AKAP10: variants seen among roughly 807,000 people sequenced by gnomAD.
AKAP10 encodes the protein A-kinase anchor protein 10, mitochondrial.
A neutral mutation model predicts 80.8 loss-of-function variants in AKAP10; 24 were observed. That is an observed-to-expected ratio of 0.30 (90% CI 0.22 to 0.42). The LOEUF (loss-of-function observed/expected upper bound fraction) is 0.42. AKAP10 is among the 10% of genes least tolerant of loss of function. The probability of loss-of-function intolerance (pLI) is 1.00; values close to 1 mark genes in which losing one functional copy is unlikely to be tolerated. For missense variants in AKAP10, 661 were observed against 794.9 expected (o/e 0.83, Z 2.03); for synonymous variants, 291 against 277.7 (o/e 1.05, Z -0.48).
chr17:19,940,602 T>C (rs1387452130), intron 7 of AKAP10, among the ~76,000 whole-genome samples: 2 of 152,218 alleles, frequency 1.3e-5, no homozygotes, highest in Non-Finnish European at 2.9e-5. Context: ...AGTTTCAAAT[T>C]CTGTGGTTTT....
intron 12 of AKAP10, among the ~76,000 whole-genome samples, chr17:19,912,588 C>A (rs1408090493): frequency 6.6e-6 from 1 of 151,988 alleles, no homozygotes; most frequent in Non-Finnish European, 1.5e-5. Context: ...CGTGGTGACA[C>A]GTGCCTGTAA....
At chr17:19,961,002 G>T (rs2043341895) in intron 3 of AKAP10, among the ~76,000 whole-genome samples, 1 of 151,318 alleles carries the variant, frequency 6.6e-6, no homozygotes, top group Admixed American at 6.6e-5. Flanking sequence ...ACTCCAGCCT[G>T]TGAGACTCCG....
intron 1 of AKAP10, among the ~76,000 whole-genome samples, chr17:19,976,135 A>G (rs2043562855): frequency 6.6e-6 from 1 of 152,188 alleles, no homozygotes; most frequent in Non-Finnish European, 1.5e-5. Context: ...CCCCTGTTAC[A>G]GTTAGCAGCA....
chr17:19,933,111 C>G (rs2152413255), intron 9 of AKAP10, among the ~76,000 whole-genome samples: 1 of 152,194 alleles, frequency 6.6e-6, no homozygotes, highest in South Asian at 2.1e-4. Flanking sequence ...CTCTGTCTCC[C>G]AGGTTCAAGT....
chr17:19,923,865 G>A (rs546409723), intron 11 of AKAP10, among the ~76,000 whole-genome samples: 1 of 152,262 alleles, frequency 6.6e-6, no homozygotes, highest in South Asian at 2.1e-4. Context: ...TAAATATGTT[G>A]AAATCCCTTT....
chr17:19,920,834 C>T (rs1404447454), intron 11 of AKAP10, among the ~76,000 whole-genome samples: 2 of 98,704 alleles, frequency 2.0e-5, no homozygotes, highest in Non-Finnish European at 3.6e-5. Context: ...CCAGCCTGGG[C>T]AACAGAGCAA....
chr17:19,906,877 G>T (rs1358922521), intron 14 of AKAP10, among the ~76,000 whole-genome samples: 2 of 152,092 alleles, frequency 1.3e-5, no homozygotes, highest in African/African-American at 4.8e-5. Flanking sequence ...GATTAGAAGG[G>T]GTTTTTCTTT....
At chr17:19,909,051 T>A (rs1051701555) in intron 14 of AKAP10, 130 bp downstream of exon 14, 59 of 682,712 alleles carry the variant, frequency 8.6e-5, no homozygotes, top group Non-Finnish European at 1.3e-4. Context: ...ATTTTCTAGT[T>A]GCTTATGATA....
chr17:19,940,844 C>G, intron 7 of AKAP10, 43 bp downstream of exon 7: 1 of 1,543,100 alleles, frequency 6.5e-7, no homozygotes, highest in South Asian at 1.3e-5. Flanking sequence ...TAGTTAGAGG[C>G]TGGAATGCTC....
intron 5 of AKAP10, among the ~76,000 whole-genome samples, chr17:19,945,829 TACTA>T (rs2043097643): frequency 6.6e-6 from 1 of 152,086 alleles, no homozygotes; most frequent in Non-Finnish European, 1.5e-5. Flanking sequence ...AAATCACAAA[TACTA>T]ACTTTTTTGA....
rs996288464 is a variant in AKAP10 at position 19,905,145 on chromosome 17, C to G, written c.*1082G>C. 2 of 152,022 alleles carry G rather than the reference C, an allele frequency of 1.3e-5. No individual in the cohort carries two copies. The highest frequency in any genetic ancestry group is 1.3e-4 in the Admixed American group (2 of 15,250). The allele number at this position is 152,022 out of a possible 1,614,324, so 9.4% of individuals were successfully genotyped here. A position where few individuals can be genotyped will look rare whatever the true frequency, so the allele number is the denominator to read the frequency against. ...CCACGTGGTCAATGGAGTGTGCTCA[C>G]CAACTGGGCAGTCCTGCTGATGGCT... On this transcript the variant is annotated 3_prime_UTR_variant, in exon 15 of 15. Transcript: ENST00000225737.
intron 1 of AKAP10, among the ~76,000 whole-genome samples, chr17:19,973,858 A>G (rs2043530311): frequency 6.6e-6 from 1 of 152,230 alleles, no homozygotes; most frequent in African/African-American, 2.4e-5. Flanking sequence ...ATAGAGTAGG[A>G]GGAAAGAAGA....
At chr17:19,924,613 A>C (rs1434657970) in intron 10 of AKAP10, 96 bp from the exon 11 acceptor site, 1 of 678,792 alleles carries the variant, frequency 1.5e-6, no homozygotes, top group Non-Finnish European at 2.3e-6. Context: ...AGTGTTTGAA[A>C]TAGAAGTAAC....
chr17:19,975,354 T>C (rs536099689), intron 1 of AKAP10, among the ~76,000 whole-genome samples: 32 of 152,320 alleles, frequency 2.1e-4, no homozygotes, highest in Middle Eastern at 3.4e-3. Flanking sequence ...CCATGGCCCG[T>C]AGAGCTCTCA....
chr17:19,944,668 A>G (rs1247008077), intron 5 of AKAP10, among the ~76,000 whole-genome samples: 4 of 152,054 alleles, frequency 2.6e-5, no homozygotes, highest in Non-Finnish European at 5.9e-5. Flanking sequence ...AAACAAACAA[A>G]CAAACAAAAA....
Position 19,936,269 on chromosome 17 carries a change from T to C in AKAP10, c.1467+17A>G. On this transcript the variant is annotated intron_variant, in intron 9 of 14. Transcript: ENST00000225737. ...TAAAACTTCTTGTAGTTTGATACGT[T>C]TGAAGTTCTGGGTTACCTTCTCCAT... 6.2e-7 allele frequency: 1 copy of C among 1,601,768 alleles called. No individual in the cohort carries two copies. The highest frequency in any genetic ancestry group is 8.5e-7 in the Non-Finnish European group (1 of 1,173,732).
At chr17:19,927,942 G>A (rs545227344) in intron 10 of AKAP10, among the ~76,000 whole-genome samples, 2 of 151,628 alleles carry the variant, frequency 1.3e-5, no homozygotes, top group South Asian at 4.2e-4. Context: ...AATCTAGGCT[G>A]GGCCCAATGG....
chr17:19,913,343 G>A (rs2042711852), intron 12 of AKAP10, among the ~76,000 whole-genome samples: 1 of 151,910 alleles, frequency 6.6e-6, no homozygotes, highest in Non-Finnish European at 1.5e-5. Flanking sequence ...TAGTAGAGAT[G>A]GGGTTTCACT....
rs72479773 is a variant in AKAP10 at position 19,922,770 on chromosome 17, C to T, written c.1751+1638G>A. 2.6e-3 allele frequency among the ~76,000 whole-genome samples: 400 copies of T among 152,048 alleles called. 14 individuals are homozygous for T. In the East Asian group the frequency reaches 0.073, roughly 28 times the overall value. ...AAAAAATTAGCCGGGCGTGGTGGCA[C>T]GTGCCTGTAGTCCCAGCTACTTGGG... On this transcript the variant is annotated intron_variant, in intron 11 of 14. Transcript: ENST00000225737.
Sources: gnomAD v4.1 joint callset for allele counts (sites outside exome capture counted in the v4.1 genomes callset) on GRCh38, gnomAD v4.1.1 for gene constraint, MANE v1.5 for transcripts, NCBI Gene and HGNC (gene_info 2026-07-23, HGNC 2026-07-21) for gene names.